Variants in PIGT observed in about 807,000 individuals in gnomAD.
The protein encoded by PIGT is phosphatidylinositol glycan anchor biosynthesis class T, also known as GPI-anchor transamidase component PIGT.
A neutral mutation model predicts 66.7 loss-of-function variants in PIGT; 57 were observed. The ratio of observed to expected loss-of-function variants is 0.86; its 90% CI spans 0.69 to 1.07. The LOEUF (loss-of-function observed/expected upper bound fraction) is 1.07, where lower values mean the gene tolerates loss of function less well. PIGT is among the 50% of genes least tolerant of loss of function. The probability of loss-of-function intolerance (pLI) is 0.00; values close to 1 mark genes in which losing one functional copy is unlikely to be tolerated. For missense variants in PIGT, 725 were observed against 740.4 expected (o/e 0.98, Z 0.24); for synonymous variants, 362 against 320.5 (o/e 1.13, Z -1.38).
In PIGT at chr20:45,425,966, GT is replaced by G; in HGVS notation, c.*141del. ...CCAGGTCAGGGCCTACAGCTGTGTT[GT>G]CCAGTACAGGAGCCACGAGCCAAAT... On this transcript the variant is annotated 3_prime_UTR_variant, in exon 12 of 12. Coordinates refer to ENST00000279036, the MANE Select transcript of PIGT (RefSeq NM_015937.6). The G allele has an allele frequency of 2.2e-6, 2 of 894,868 alleles. No homozygotes were observed. Among genetic ancestry groups the G allele is most frequent in the South Asian group, 3.5e-5 (2 of 57,182 alleles). 55.4% of individuals were successfully genotyped at this position (894,868 alleles called of 1,614,324 possible).
Position 45,425,573 on chromosome 20 carries a change from G to A in PIGT, c.1485-1G>A, listed in dbSNP as rs6032176. On this transcript the variant is annotated splice_acceptor_variant, in intron 11 of 11. Transcript: ENST00000279036. LOFTEE classifies it high-confidence loss of function. Reference sequence around the variant, plus strand: ...TCTCACCGCTCTTCCCCTGACCCCAGGTTCCCAGTCTCTGATGGCTCTAAC... The same window carrying A: ...TCTCACCGCTCTTCCCCTGACCCCAAGTTCCCAGTCTCTGATGGCTCTAAC... 2 of 1,613,226 alleles carry A rather than the reference G, an allele frequency of 1.2e-6. No homozygotes were observed. Among genetic ancestry groups the A allele is most frequent in the Non-Finnish European group, 1.7e-6 (2 of 1,179,716 alleles).
chr20:45,418,556 A>G (rs900683330), intron 2 of PIGT: 2 of 379,142 alleles, frequency 5.3e-6, no homozygotes, highest in East Asian at 6.6e-5. Context: ...GAGCCGGATC[A>G]TGAAGGTAGG....
At position 45,419,307 on chromosome 20, in the gene PIGT, A is replaced by G; in HGVS notation, c.506A>G (p.Tyr169Cys). The change falls in exon 4 of 12, where the codon TAC becomes TGC. Residue 169 changes from tyrosine (Y) to cysteine (C), a missense_variant. Coordinates refer to ENST00000279036, the MANE Select transcript of PIGT (RefSeq NM_015937.6). ...PLGLANDTDH[Y>C]FLRYAVLPRE... Reference sequence around the variant, plus strand: ...CTGTCTCCCTCAGACACTGACCACTACTTTCTGCGCTATGCTGTGCTGCCG... The same window carrying G: ...CTGTCTCCCTCAGACACTGACCACTGCTTTCTGCGCTATGCTGTGCTGCCG... 1.2e-6 allele frequency: 2 copies of G among 1,613,898 alleles called. No homozygotes were observed. The highest frequency in any genetic ancestry group is 1.7e-6 in the Non-Finnish European group (2 of 1,179,836).
rs938481945 is a variant in PIGT, at chr20:45,425,735, G to A, written c.1646G>A (p.Arg549Gln). The A allele has an allele frequency of 4.3e-6, 7 of 1,613,992 alleles. No homozygotes were observed. The African/African-American group carries it at 5.3e-5, about 12-fold the overall frequency. Residue 549 changes from arginine (R) to glutamine (Q), a missense_variant, in exon 12 of 12, where the codon CGA (arginine) becomes CAA (glutamine). Arg to Gln is a conservative substitution (Grantham distance 43). This residue lies in a region of PIGT where 162 missense variants were observed against 171.1 expected (regional missense o/e 0.95). Coordinates refer to ENST00000279036, the MANE Select transcript of PIGT (RefSeq NM_015937.6). Reference sequence around the variant, plus strand: ...GGCTCCTTCTACAATCTCCTCACCCGAACCTTCCACATCGAGGAGCCCCGC... The same window carrying A: ...GGCTCCTTCTACAATCTCCTCACCCAAACCTTCCACATCGAGGAGCCCCGC... ...CYGSFYNLLTRTFHIEEPRTG... is the reference protein window; with the variant it reads ...CYGSFYNLLTQTFHIEEPRTG...
chr20:45,420,196 G>A lies in PIGT; in HGVS notation c.742G>A (p.Ala248Thr). The A allele has an allele frequency of 6.2e-7, 1 of 1,612,314 alleles. No homozygotes were observed. The highest frequency in any genetic ancestry group is 8.5e-7 in the Non-Finnish European group (1 of 1,179,194). The stretch of plus-strand genomic sequence containing the variant: ...GCAGACCCTGTCAGTTGTATTTGAT[G>A]CCTTCATCACGGGGCAGGGAAAGAA... Reference protein sequence around the residue: ...LRQTLSVVFDAFITGQGKKDW... With the variant: ...LRQTLSVVFDTFITGQGKKDW... The change falls in exon 6 of 12, where the codon GCC becomes ACC. Residue 248 changes from alanine (A) to threonine (T), a missense_variant. Transcript: ENST00000279036.
At chr20:45,419,022 C>T (rs1332045181) in intron 3 of PIGT, 43 bp downstream of exon 3, 1 of 1,612,496 alleles carries the variant, frequency 6.2e-7, no homozygotes. Context: ...CTCTTACCTC[C>T]TGCCCAAACC....
chr20:45,423,957 A>G, intron 9 of PIGT: 1 of 481,298 alleles, frequency 2.1e-6, no homozygotes, highest in Non-Finnish European at 3.8e-6. Context: ...CTGGTGCCCC[A>G]GTTGTAGTGA....
chr20:45,418,524 C>T lies in PIGT; in HGVS notation c.366-328C>T, dbSNP rs114509241. The stretch of plus-strand genomic sequence containing the variant: ...TGCTTAAGGAGGGCAGGAAAGGCTT[C>T]GTGGAGGGGAGGTAAGCACTGGAGC... On this transcript the variant is annotated intron_variant, in intron 2 of 11. Transcript: ENST00000279036. 882 of 356,038 alleles carry T rather than the reference C, an allele frequency of 2.5e-3. 9 individuals carry two copies. Among genetic ancestry groups the T allele is most frequent in the African/African-American group, 0.017 (815 of 46,878 alleles). The allele number at this position is 356,038 out of a possible 1,614,324, so 22.1% of individuals were successfully genotyped here.
chr20:45,417,517 A>G (rs542307429), intron 2 of PIGT: 1 of 152,302 alleles, frequency 6.6e-6, no homozygotes, highest in African/African-American at 2.4e-5. Context: ...TTGTAGAAAC[A>G]AGGTCTCACT....
Position 45,424,231 on chromosome 20 carries a change from A to C in PIGT, c.1250A>C (p.Gln417Pro). ...KENKPSYIHYQPAQDRLQPHL... is the reference protein window; with the variant it reads ...KENKPSYIHYPPAQDRLQPHL... The stretch of plus-strand genomic sequence containing the variant: ...ATGTCTCCAGGTTACATCCACTACC[A>C]GCCTGCCCAGGACCGGCTGCAACCC... Residue 417 changes from glutamine to proline, a missense_variant, in exon 10 of 12, where the codon CAG (glutamine) becomes CCG (proline). Coordinates refer to ENST00000279036, the MANE Select transcript of PIGT (RefSeq NM_015937.6). 1 of 1,614,154 alleles carries C rather than the reference A, an allele frequency of 6.2e-7. No individual in the cohort carries two copies. The highest frequency in any genetic ancestry group is 8.5e-7 in the Non-Finnish European group (1 of 1,180,022).
At chr20:45,420,468 G>A (rs1990289929) in intron 7 of PIGT, 39 bp downstream of exon 7, 1 of 1,610,558 alleles carries the variant, frequency 6.2e-7, no homozygotes, top group Non-Finnish European at 8.5e-7. Context: ...ACACACCGCT[G>A]GTCCCCAGGA....
intron 2 of PIGT, chr20:45,418,315 G>A (rs1032985452): frequency 5.4e-6 from 1 of 185,852 alleles, no homozygotes; most frequent in South Asian, 1.0e-4. Flanking sequence ...TACATGAGGC[G>A]CTTTCCATGG....
chr20:45,421,198 TGTC>T, intron 8 of PIGT, 182 bp from the exon 9 acceptor site: 1 of 604,116 alleles, frequency 1.7e-6, no homozygotes, highest in Non-Finnish European at 2.9e-6. Context: ...AGCAACCTAT[TGTC>T]ATCATCGCTT....
rs781650006 is a variant in PIGT at position 45,419,598 on chromosome 20, A to G, written c.681+8A>G. 8 of 1,597,518 alleles carry G rather than the reference A, an allele frequency of 5.0e-6. No homozygotes were observed. The highest frequency in any genetic ancestry group is 6.9e-6 in the Non-Finnish European group (8 of 1,164,942). The stretch of plus-strand genomic sequence containing the variant: ...ATCCGCCCTGTTTGCAGAGTAAGTC[A>G]TGGGGAGTAGAGGAAGCTGCCATCC... On this transcript the variant is annotated splice_region_variant and intron_variant, in intron 5 of 11. Transcript: ENST00000279036.
chr20:45,418,754 A>G lies in PIGT; in HGVS notation c.366-98A>G. 16 of 1,459,972 alleles carry G rather than the reference A, an allele frequency of 1.1e-5. No homozygotes were observed. The South Asian group carries it at 1.8e-4, about 17-fold the overall frequency. The allele number at this position is 1,459,972 out of a possible 1,614,324, so 90.4% of individuals were successfully genotyped here. ...TGGCCCGTCTAATAGTTAAGAATAC[A>G]GCCTCCTCCTATCATAGGTTTAGCA... On this transcript the variant is annotated intron_variant, in intron 2 of 11. Transcript: ENST00000279036.
At chr20:45,417,469 G>A (rs1212312925) in intron 2 of PIGT, 1 of 152,164 alleles carries the variant, frequency 6.6e-6, no homozygotes, top group Non-Finnish European at 1.5e-5. Context: ...GGGAATAGAG[G>A]CCTAATGTGG....
chr20:45,420,228 G>C lies in PIGT; in HGVS notation c.769+5G>C. ...TCACGGGGCAGGGAAAGAAAGGTAA[G>C]TTACCTTGGCAACTCATCTGTACCC... On this transcript the variant is annotated splice_donor_5th_base_variant and intron_variant, in intron 6 of 11. Transcript: ENST00000279036. 1.2e-6 allele frequency: 2 copies of C among 1,608,546 alleles called. No homozygotes were observed. Among genetic ancestry groups the C allele is most frequent in the Non-Finnish European group, 1.7e-6 (2 of 1,176,694 alleles).
chr20:45,423,154 T>A (rs1351990252), intron 9 of PIGT: 1 of 122,154 alleles, frequency 8.2e-6, no homozygotes, highest in African/African-American at 3.2e-5. Flanking sequence ...AACCTCCACC[T>A]CCCGGGTTCA....
rs1458656968 is a variant in PIGT, at chr20:45,419,485, C to G, written c.595-19C>G. 1 of 1,614,042 alleles carries G rather than the reference C, an allele frequency of 6.2e-7. No individual in the cohort carries two copies. On this transcript the variant is annotated intron_variant, in intron 4 of 11. Transcript: ENST00000279036. ...GTGCTCCATACAGGGCTTCTCTTAT[C>G]TCTTTCCATCTCCTCCAGGCAGGCC...
Sources: allele counts gnomAD v4.1 joint callset, GRCh38; gene constraint gnomAD v4.1.1; regional missense constraint gnomAD v4.1.1; transcripts MANE v1.5; gene names NCBI Gene and HGNC (gene_info 2026-07-23, HGNC 2026-07-21).